ENOX2: variants seen among roughly 807,000 people sequenced by gnomAD.
ENOX2 encodes ecto-NOX disulfide-thiol exchanger 2.
A neutral mutation model predicts 45.0 loss-of-function variants in ENOX2; 36 were observed. The ratio of observed to expected loss-of-function variants is 0.80; its 90% CI spans 0.61 to 1.06. ENOX2 has a LOEUF of 1.06. Among genes scored for constraint, ENOX2 ranks in the 50% least tolerant of loss-of-function variants. The pLI is 0.00. For synonymous variants in ENOX2, 174 were observed against 152.3 expected (o/e 1.14, Z -1.05); for missense variants, 423 against 462.5 (o/e 0.91, Z 0.78).
intron 2 of ENOX2, among the ~76,000 whole-genome samples, chrX:130,807,304 G>T (rs1304185085): frequency 4.5e-5 from 5 of 112,209 alleles, no homozygotes; most frequent in Admixed American, 1.9e-4. Context: ...CTATTATTTT[G>T]TTGGGGAGGG....
rs927039999 is a variant in ENOX2, at chrX:130,893,298, T to C, written c.-183+8386A>G. ...TTCAGTAGTGAGGGCATTGGGTTAATAGTAGAGATATTGGAAACAATGGTG... is the reference window on the plus strand; with the variant it reads ...TTCAGTAGTGAGGGCATTGGGTTAACAGTAGAGATATTGGAAACAATGGTG... On this transcript the variant is annotated intron_variant, in intron 2 of 14. Transcript: ENST00000394363. 1.3e-4 allele frequency among the ~76,000 whole-genome samples: 15 copies of C among 111,912 alleles called. 1 individual carries two copies. The highest frequency in any genetic ancestry group is 3.6e-4 in the African/African-American group (11 of 30,851).
intron 2 of ENOX2, among the ~76,000 whole-genome samples, chrX:130,830,774 C>T (rs778289577): frequency 1.8e-5 from 2 of 111,684 alleles, no homozygotes; most frequent in Admixed American, 9.5e-5. Context: ...TCCAAGTCAC[C>T]ATGTTCTCTT....
At chrX:130,866,801 A>G (rs1474120459) in intron 2 of ENOX2, among the ~76,000 whole-genome samples, 1 of 110,638 alleles carries the variant, frequency 9.0e-6, no homozygotes, top group East Asian at 2.8e-4. Context: ...GCTTTCTTAT[A>G]TTTAATAGAA....
At position 130,782,708 on chromosome X, in the gene ENOX2, G is replaced by A. The variant is rs186730646; in HGVS notation, c.-39+839C>T. Among the ~76,000 whole-genome samples the A allele has an allele frequency of 7.2e-5, 8 of 111,258 alleles. No individual in the cohort carries two copies. The East Asian group carries it at 2.2e-3, about 31-fold the overall frequency. On this transcript the variant is annotated intron_variant, in intron 3 of 14. Transcript: ENST00000394363. ...GAACATGTCTGTTATGCCCATCCCC[G>A]AATCTCAGATCAGTTTCTATATACT...
intron 2 of ENOX2, among the ~76,000 whole-genome samples, chrX:130,784,130 A>G (rs977550671): frequency 2.7e-5 from 3 of 111,651 alleles, no homozygotes; most frequent in African/African-American, 3.3e-5. Flanking sequence ...GTCACTTCCA[A>G]TAGTAATATA....
intron 2 of ENOX2, among the ~76,000 whole-genome samples, chrX:130,877,968 G>A (rs1285202740): frequency 1.8e-5 from 2 of 112,011 alleles, no homozygotes; most frequent in Non-Finnish European, 3.8e-5. Flanking sequence ...AATCTCCAAT[G>A]GAAAACATCT....
intron 2 of ENOX2, among the ~76,000 whole-genome samples, chrX:130,807,742 G>A (rs904705639): frequency 8.9e-6 from 1 of 111,832 alleles, no homozygotes; most frequent in Admixed American, 9.5e-5. Context: ...TTGTGTTATG[G>A]TTAAATGCTT....
At chrX:130,794,847 CATTAA>C (rs2077095446) in intron 2 of ENOX2, among the ~76,000 whole-genome samples, 1 of 112,394 alleles carries the variant, frequency 8.9e-6, no homozygotes, top group Non-Finnish European at 1.9e-5. Flanking sequence ...ATTCAGCCTT[CATTAA>C]CTATTTATCC....
intron 10 of ENOX2, among the ~76,000 whole-genome samples, chrX:130,640,157 C>A (rs2036040657): frequency 1.8e-5 from 2 of 111,361 alleles, no homozygotes; most frequent in Admixed American, 9.5e-5. Context: ...CCCTTATGAC[C>A]TAATCACCCC....
At position 130,848,782 on chromosome X, in the gene ENOX2, T is replaced by A. The variant is rs1408421354; in HGVS notation, c.-183+52902A>T. 5.5e-5 allele frequency among the ~76,000 whole-genome samples: 6 copies of A among 109,504 alleles called. No individual in the cohort carries two copies. The East Asian group carries it at 1.7e-3, about 31-fold the overall frequency. On this transcript the variant is annotated intron_variant, in intron 2 of 14. Coordinates refer to ENST00000394363, the MANE Select transcript of ENOX2 (RefSeq NM_006375.4). Reference sequence around the variant, plus strand: ...CTGTACTCCAGCCTGGGCGACAGAGTGAGACTGTCAAAAACAAAACAAAGC... The same window carrying A: ...CTGTACTCCAGCCTGGGCGACAGAGAGAGACTGTCAAAAACAAAACAAAGC...
chrX:130,792,124 C>T (rs1405897123), intron 2 of ENOX2, among the ~76,000 whole-genome samples: 1 of 111,997 alleles, frequency 8.9e-6, no homozygotes, highest in Non-Finnish European at 1.9e-5. Flanking sequence ...AGGTAGAGGC[C>T]ATTATCCTTA....
At chrX:130,816,598 G>A (rs943467851) in intron 2 of ENOX2, among the ~76,000 whole-genome samples, 1 of 111,816 alleles carries the variant, frequency 8.9e-6, no homozygotes, top group Non-Finnish European at 1.9e-5. Flanking sequence ...TTAGAACTCA[G>A]GATAAAGAAA....
chrX:130,626,933 GA>G (rs1008524147), intron 14 of ENOX2, among the ~76,000 whole-genome samples: 3 of 107,588 alleles, frequency 2.8e-5, no homozygotes, highest in African/African-American at 1.0e-4. Flanking sequence ...TGCTGCTTCT[GA>G]AAAAAAAAAT....
intron 3 of ENOX2, among the ~76,000 whole-genome samples, chrX:130,778,341 C>T (rs1243932467): frequency 8.9e-6 from 1 of 111,958 alleles, no homozygotes; most frequent in Non-Finnish European, 1.9e-5. Context: ...CTTCTTGCTG[C>T]TCTACAGGCC....
intron 2 of ENOX2, among the ~76,000 whole-genome samples, chrX:130,901,201 C>A (rs141603597): frequency 1.3e-4 from 15 of 112,335 alleles, no homozygotes; most frequent in African/African-American, 4.8e-4. Context: ...CTATACCTAT[C>A]TCTCCTTACC....
chrX:130,791,177 A>G (rs1189967549), intron 2 of ENOX2, among the ~76,000 whole-genome samples: 2 of 111,247 alleles, frequency 1.8e-5, no homozygotes, highest in African/African-American at 6.6e-5. Context: ...ATGTTAGCCT[A>G]TACTTTTCCT....
intron 6 of ENOX2, among the ~76,000 whole-genome samples, chrX:130,674,784 A>C (rs2037092897): frequency 2.5e-5 from 2 of 79,717 alleles, no homozygotes. Flanking sequence ...CAACCCCACA[A>C]CAGTCCCCAG....
At chrX:130,751,491 A>G (rs2039219897) in intron 3 of ENOX2, among the ~76,000 whole-genome samples, 1 of 112,140 alleles carries the variant, frequency 8.9e-6, no homozygotes, top group East Asian at 2.8e-4. Context: ...GGCTATCATG[A>G]ATATAGCTGC....
chrX:130,705,639 C>T (rs961413758), intron 3 of ENOX2, among the ~76,000 whole-genome samples: 2 of 111,795 alleles, frequency 1.8e-5, no homozygotes, highest in African/African-American at 6.5e-5. Flanking sequence ...CACCCATCTC[C>T]ACCTGTCAAA....
Sources: gnomAD v4.1 joint callset for allele counts (sites outside exome capture counted in the v4.1 genomes callset) on GRCh38, gnomAD v4.1.1 for gene constraint, MANE v1.5 for transcripts, NCBI Gene and HGNC (gene_info 2026-07-23, HGNC 2026-07-21) for gene names.